The following EYA2 variants were observed in gnomAD, a reference collection of about 807,000 sequenced individuals.
The protein encoded by EYA2 is protein phosphatase EYA2.
In EYA2, 31 loss-of-function variants were observed where a neutral mutation model predicts 69.2. The observed-to-expected ratio is 0.45, with a 90% CI of 0.34 to 0.60. The LOEUF is 0.60. EYA2 is among the 20% of genes least tolerant of loss of function. The pLI is 0.02. For missense variants in EYA2, 622 were observed against 701.2 expected (o/e 0.89, Z 1.28); for synonymous variants, 257 against 279.4 (o/e 0.92, Z 0.80).
intron 1 of EYA2, among the ~76,000 whole-genome samples, chr20:46,917,792 A>C (rs1049867062): frequency 2.6e-5 from 4 of 152,240 alleles, no homozygotes; most frequent in African/African-American, 9.6e-5. Context: ...CTGAGCCTTT[A>C]GCGAGTTGTA....
At chr20:47,102,037 T>C (rs2032437345) in intron 9 of EYA2, among the ~76,000 whole-genome samples, 1 of 152,218 alleles carries the variant, frequency 6.6e-6, no homozygotes, top group South Asian at 2.1e-4. Context: ...GCACAATAAT[T>C]GAAAAACCCA....
intron 1 of EYA2, among the ~76,000 whole-genome samples, chr20:46,896,536 T>A (rs1401768924): frequency 6.6e-6 from 1 of 152,254 alleles, no homozygotes; most frequent in Non-Finnish European, 1.5e-5. Context: ...TCTTTCTTCA[T>A]CACCTTAAGC....
chr20:46,896,024 A>T (rs1437848581), intron 1 of EYA2, among the ~76,000 whole-genome samples: 1 of 152,178 alleles, frequency 6.6e-6, no homozygotes, highest in African/African-American at 2.4e-5. Flanking sequence ...CCGAAATGCT[A>T]TGTAATCTTC....
intron 14 of EYA2, among the ~76,000 whole-genome samples, chr20:47,182,923 C>T: frequency 6.6e-6 from 1 of 152,104 alleles, no homozygotes; most frequent in Admixed American, 6.5e-5. Flanking sequence ...GGTGACAGAG[C>T]AAGACTGTGT....
At chr20:46,986,306 T>C (rs926521675) in intron 1 of EYA2, among the ~76,000 whole-genome samples, 6 of 134,120 alleles carry the variant, frequency 4.5e-5, no homozygotes, top group Admixed American at 2.9e-4. Context: ...AATGTATATA[T>C]TATATATTAT....
At chr20:47,072,298 A>G in intron 6 of EYA2, 46 bp downstream of exon 6, 1 of 1,560,288 alleles carries the variant, frequency 6.4e-7, no homozygotes, top group Non-Finnish European at 8.7e-7. Flanking sequence ...CTTTCTGGAA[A>G]TATTCCCCTT....
In EYA2 at chr20:47,025,884, C is replaced by A. The variant is rs112942421; in HGVS notation, c.415+9587C>A. Among the ~76,000 whole-genome samples the A allele has an allele frequency of 6.8e-3, 1,043 of 152,336 alleles. 5 individuals are homozygous for A. Among genetic ancestry groups the A allele is most frequent in the Non-Finnish European group, 0.01 (713 of 68,036 alleles). On this transcript the variant is annotated intron_variant, in intron 5 of 15. Coordinates refer to ENST00000327619, the MANE Select transcript of EYA2 (RefSeq NM_005244.5). The stretch of plus-strand genomic sequence containing the variant: ...AATCTGATGCGTGAAGAAATGGTGT[C>A]TCAGGGCAGTAGTAATTTCTAAGTC...
chr20:47,023,275 C>T (rs1446972671), intron 5 of EYA2, among the ~76,000 whole-genome samples: 1 of 152,150 alleles, frequency 6.6e-6, no homozygotes, highest in Non-Finnish European at 1.5e-5. Context: ...TTAGTTCAGA[C>T]GTGATTCATA....
At chr20:46,938,162 A>AT (rs1488275123) in intron 1 of EYA2, among the ~76,000 whole-genome samples, 23 of 152,284 alleles carry the variant, frequency 1.5e-4, no homozygotes, top group African/African-American at 4.8e-4. Flanking sequence ...AATTTGGAAA[A>AT]TTTCAAACCT....
intron 5 of EYA2, among the ~76,000 whole-genome samples, chr20:47,038,972 G>A (rs1260913735): frequency 1.3e-5 from 2 of 152,122 alleles, no homozygotes; most frequent in East Asian, 1.9e-4. Flanking sequence ...GATGAACTTA[G>A]CCTTTTAGGG....
At chr20:47,166,323 C>T (rs546092656) in intron 10 of EYA2, among the ~76,000 whole-genome samples, 51 of 131,674 alleles carry the variant, frequency 3.9e-4, no homozygotes, top group African/African-American at 1.4e-3. Context: ...TCACCTAAAC[C>T]TGGGAGGTGG....
At chr20:47,109,051 G>A (rs1035081849) in intron 9 of EYA2, among the ~76,000 whole-genome samples, 4 of 152,026 alleles carry the variant, frequency 2.6e-5, no homozygotes, top group African/African-American at 9.7e-5. Flanking sequence ...AGTAGGCTGG[G>A]TATATTTTGA....
chr20:47,161,707 C>CA (rs1264588050), intron 10 of EYA2: 2 of 195,226 alleles, frequency 1.0e-5, no homozygotes, highest in African/African-American at 4.7e-5. Context: ...CCCCATCCCC[C>CA]AAAACCGGAT....
At chr20:47,074,836 G>A (rs989622363) in intron 7 of EYA2, among the ~76,000 whole-genome samples, 1 of 152,200 alleles carries the variant, frequency 6.6e-6, no homozygotes, top group Non-Finnish European at 1.5e-5. Context: ...TACCAGCTGG[G>A]CACGGTGGCT....
In EYA2 at chr20:47,045,860, T is replaced by C. The variant is rs138410572; in HGVS notation, c.416-26325T>C. On this transcript the variant is annotated intron_variant, in intron 5 of 15. Coordinates refer to ENST00000327619, the MANE Select transcript of EYA2 (RefSeq NM_005244.5). ...ATGAAGTAGCGGTTTATTTCTCTCTTATGTAACAGTTGGGTGTTACAGAGG... is the reference window on the plus strand; with the variant it reads ...ATGAAGTAGCGGTTTATTTCTCTCTCATGTAACAGTTGGGTGTTACAGAGG... Among the ~76,000 whole-genome samples the C allele has an allele frequency of 1.9e-4, 28 of 149,232 alleles. No homozygotes were observed. In the East Asian group the frequency reaches 5.5e-3, roughly 30 times the overall value.
intron 6 of EYA2, 78 bp downstream of exon 6, chr20:47,072,330 C>T (rs1346677790): frequency 2.2e-6 from 3 of 1,351,636 alleles, no homozygotes; most frequent in Non-Finnish European, 3.1e-6. Flanking sequence ...CCCAGAGAGC[C>T]CACGACACAC....
chr20:46,929,308 C>T (rs1568671164), intron 1 of EYA2, among the ~76,000 whole-genome samples: 8 of 151,982 alleles, frequency 5.3e-5, no homozygotes, highest in Non-Finnish European at 4.4e-5. Flanking sequence ...CTGTTTATAG[C>T]AGGAGAATTG....
At chr20:46,915,897 T>A in intron 1 of EYA2, among the ~76,000 whole-genome samples, 1 of 152,176 alleles carries the variant, frequency 6.6e-6, no homozygotes, top group East Asian at 1.9e-4. Context: ...ATCATGGCGC[T>A]TTCCCTCCCA....
intron 12 of EYA2, among the ~76,000 whole-genome samples, chr20:47,177,188 C>G (rs1001115868): frequency 2.4e-4 from 37 of 152,272 alleles, no homozygotes; most frequent in African/African-American, 7.7e-4. Flanking sequence ...TCTCGGCTCA[C>G]TGCACCCTCG....
Sources: allele counts gnomAD v4.1 joint callset (sites outside exome capture counted in the v4.1 genomes callset), GRCh38; gene constraint gnomAD v4.1.1; transcripts MANE v1.5; gene names NCBI Gene and HGNC (gene_info 2026-07-23, HGNC 2026-07-21).